Variants in DNAH2 observed in about 807,000 individuals in gnomAD.
The protein encoded by DNAH2 is dynein axonemal heavy chain 2.
DNAH2 carries 323 observed loss-of-function variants against 523.5 expected under a neutral mutation model. That is an observed-to-expected ratio of 0.62 (90% CI 0.56 to 0.68). The LOEUF (loss-of-function observed/expected upper bound fraction) is 0.68. DNAH2 is among the 30% of genes least tolerant of loss of function. The pLI is 0.00. For synonymous variants in DNAH2, 2,093 were observed against 2,177.4 expected (o/e 0.96, Z 1.08); for missense variants, 4,907 against 5,701.5 (o/e 0.86, Z 4.49).
chr17:7,817,476 T>C, intron 65 of DNAH2, 61 bp downstream of exon 65: 1 of 1,613,142 alleles, frequency 6.2e-7, no homozygotes, highest in Middle Eastern at 1.7e-4. Flanking sequence ...GCAGGACCTT[T>C]GGGAATATTA....
At chr17:7,817,887 C>T (rs376720726) in intron 67 of DNAH2, 31 bp downstream of exon 67, 18 of 1,614,036 alleles carry the variant, frequency 1.1e-5, no homozygotes, top group South Asian at 4.4e-5. Flanking sequence ...GTTAGCCCCC[C>T]CCTTCCTGAG....
intron 35 of DNAH2, among the ~76,000 whole-genome samples, 181 bp from the exon 36 acceptor site, chr17:7,779,062 C>T (rs1283411460): frequency 6.6e-6 from 1 of 152,154 alleles, no homozygotes; most frequent in Non-Finnish European, 1.5e-5. Flanking sequence ...CCAGATTGGC[C>T]CCATCTGATG....
chr17:7,764,199 G>C lies in DNAH2; in HGVS notation c.3262G>C (p.Val1088Leu). 6.2e-7 allele frequency: 1 copy of C among 1,614,166 alleles called. No individual in the cohort carries two copies. Reference protein sequence around the residue: ...VDALKHDLANVETQIPPIHEQ... With the variant: ...VDALKHDLANLETQIPPIHEQ... ...TGCCCTGAAGCACGACTTGGCCAACGTGGAGACTCAGATCCCTCCCATACA... is the reference window on the plus strand; with the variant it reads ...TGCCCTGAAGCACGACTTGGCCAACCTGGAGACTCAGATCCCTCCCATACA... The change falls in exon 20 of 86, where the codon GTG becomes CTG. Residue 1088 changes from valine (V) to leucine (L), a missense_variant. Physicochemically the swap from Val to Leu is conservative, Grantham distance 32. This residue lies in a region of DNAH2 where 2,806 missense variants were observed against 3,190.8 expected (regional missense o/e 0.88). Transcript: ENST00000572933.
rs1255395211 is a variant in DNAH2 at position 7,818,002 on chromosome 17, C to A, written c.10293C>A (p.Ala3431=). Residue 3431 remains alanine, a synonymous_variant, in exon 68 of 86, where the codon GCC becomes GCA. Coordinates refer to ENST00000572933, the MANE Select transcript of DNAH2 (RefSeq NM_020877.5). ...ATTACCTGCGAATCCTAGAACACGC[C>A]ATTCACTTTGGATACCCGGTGCTAC... The part of the protein sequence containing the change: ...MSDYLRILEH[A]IHFGYPVLLQ... 1 of 1,614,142 alleles carries A rather than the reference C, an allele frequency of 6.2e-7. No homozygotes were observed. Among genetic ancestry groups the A allele is most frequent in the Non-Finnish European group, 8.5e-7 (1 of 1,180,026 alleles).
chr17:7,824,102 A>C lies in DNAH2; in HGVS notation c.11479-19A>C, dbSNP rs1377352880. ...GTCATGTGGCCTTCTGCCTGATGCTATACCTGTGCTTCTGGCAGGTGCTGG... is the reference window on the plus strand; with the variant it reads ...GTCATGTGGCCTTCTGCCTGATGCTCTACCTGTGCTTCTGGCAGGTGCTGG... On this transcript the variant is annotated intron_variant, in intron 75 of 85. Transcript: ENST00000572933. 6 of 1,563,284 alleles carry C rather than the reference A, an allele frequency of 3.8e-6. No homozygotes were observed. The Middle Eastern group carries it at 5.1e-4, about 134-fold the overall frequency.
intron 27 of DNAH2, 38 bp downstream of exon 27, chr17:7,770,971 T>C (rs1461789893): frequency 1.3e-6 from 2 of 1,595,404 alleles, no homozygotes; most frequent in Admixed American, 1.8e-5. Flanking sequence ...TGCTTCCTGC[T>C]CTTACTCCTT....
intron 12 of DNAH2, among the ~76,000 whole-genome samples, chr17:7,750,969 C>A (rs995114296): frequency 2.6e-5 from 4 of 152,108 alleles, no homozygotes; most frequent in Admixed American, 2.6e-4. Flanking sequence ...CTAGAATTTT[C>A]ACCTCAATAT....
Position 7,831,120 on chromosome 17 carries a change from G to A in DNAH2, c.12265G>A (p.Asp4089Asn), listed in dbSNP as rs201279510. The A allele has an allele frequency of 1.6e-5, 26 of 1,613,874 alleles. 1 individual carries two copies. The Middle Eastern group carries it at 6.6e-4, about 41-fold the overall frequency. The change falls in exon 80 of 86, where the codon GAT (aspartate) becomes AAT (asparagine). Residue 4089 changes from aspartate (D) to asparagine (N), a missense_variant. Asp to Asn is a conservative substitution (Grantham distance 23, BLOSUM62 1). Coordinates refer to ENST00000572933, the MANE Select transcript of DNAH2 (RefSeq NM_020877.5). The surrounding 1 kb of genome is among the most constrained non-coding windows in gnomAD (Gnocchi z 4.2). ...ACTGGAGACTTATTTCATCCCCAAG[G>A]ATGGCAGCCTCGCTTCTTACAAGGA... ...SALETYFIPKDGSLASYKEYI... is the reference protein window; with the variant it reads ...SALETYFIPKNGSLASYKEYI...
intron 33 of DNAH2, 81 bp from the exon 34 acceptor site, chr17:7,777,996 G>A (rs2076502206): frequency 3.1e-6 from 4 of 1,310,814 alleles, no homozygotes. Context: ...TGACAACTCT[G>A]AGCCCCACTC....
chr17:7,764,226 G>A lies in DNAH2; in HGVS notation c.3289G>A (p.Glu1097Lys), dbSNP rs569552800. 34 of 1,613,598 alleles carry A rather than the reference G, an allele frequency of 2.1e-5. No homozygotes were observed. The East Asian group carries it at 5.8e-4, about 27-fold the overall frequency. The change falls in exon 20 of 86, where the codon GAG (glutamate) becomes AAG (lysine). Residue 1097 changes from glutamate (E) to lysine (K), a missense_variant. Glu to Lys is a moderately conservative substitution (Grantham distance 56). Around this residue, in one of 3 missense-constraint regions of DNAH2, gnomAD observed 2,806 missense variants for 3,190.8 expected, o/e 0.88. Transcript: ENST00000572933. ...GGAGACTCAGATCCCTCCCATACACGAGCAATTTGCCATTCTTGAAAAGTA... is the reference window on the plus strand; with the variant it reads ...GGAGACTCAGATCCCTCCCATACACAAGCAATTTGCCATTCTTGAAAAGTA... Reference protein sequence around the residue: ...NVETQIPPIHEQFAILEKYEV... With the variant: ...NVETQIPPIHKQFAILEKYEV...
chr17:7,758,652 G>T lies in DNAH2; in HGVS notation c.2208+1G>T. 1 of 1,611,740 alleles carries T rather than the reference G, an allele frequency of 6.2e-7. No homozygotes were observed. The highest frequency in any genetic ancestry group is 8.5e-7 in the Non-Finnish European group (1 of 1,178,984). ...GGAGTGCCGTATACATGCCAGCAAG[G>T]TGGGCCATGGTCCTTAGACCCTAAA... On this transcript the variant is annotated splice_donor_variant, in intron 14 of 85. Coordinates refer to ENST00000572933, the MANE Select transcript of DNAH2 (RefSeq NM_020877.5). LOFTEE classifies it high-confidence loss of function.
In DNAH2 at chr17:7,786,434, G is replaced by A. The variant is rs533791989; in HGVS notation, c.6348+92G>A. On this transcript the variant is annotated intron_variant, in intron 40 of 85. Transcript: ENST00000572933. This position sits in a 1 kb window ranked among gnomAD's most constrained non-coding sequence, Gnocchi z 7.5. ...GGGCCAGGGAGGACCTTGCAAGGCC[G>A]GGAGAGCTGTACCTGGGACCATGGT... is the stretch of plus-strand genomic sequence containing the variant. 4.7e-6 allele frequency: 7 copies of A among 1,500,838 alleles called. No individual in the cohort carries two copies. In the African/African-American group the frequency reaches 5.5e-5, roughly 12 times the overall value. The allele number at this position is 1,500,838 out of a possible 1,614,324, so 93.0% of individuals were successfully genotyped here. A position where few individuals can be genotyped will look rare whatever the true frequency, so the allele number is the denominator to read the frequency against.
Position 7,778,401 on chromosome 17 carries a change from A to G in DNAH2, c.5473A>G (p.Ile1825Val). 1.2e-6 allele frequency: 2 copies of G among 1,614,180 alleles called. No individual in the cohort carries two copies. The highest frequency in any genetic ancestry group is 1.7e-6 in the Non-Finnish European group (2 of 1,180,024). ...GGGCAAGGCCCTGGGCATATATGTC[A>G]TTGTGGTCAACTGCTCTGAGGGCCT... ...DLGKALGIYV[I>V]VVNCSEGLDY... Residue 1825 changes from isoleucine to valine, a missense_variant, in exon 35 of 86, where the codon ATT becomes GTT. Ile to Val is a conservative substitution (Grantham distance 29). Around this residue, in one of 3 missense-constraint regions of DNAH2, gnomAD observed 2,806 missense variants for 3,190.8 expected, o/e 0.88. Coordinates refer to ENST00000572933, the MANE Select transcript of DNAH2 (RefSeq NM_020877.5).
At chr17:7,829,858 C>G (rs1303017432) in intron 77 of DNAH2, among the ~76,000 whole-genome samples, 3 of 151,740 alleles carry the variant, frequency 2.0e-5, no homozygotes, top group African/African-American at 7.3e-5. Flanking sequence ...AACCCTGTCT[C>G]TACTAAAAAT....
chr17:7,764,762 G>T (rs1164892621), intron 20 of DNAH2, among the ~76,000 whole-genome samples: 1 of 136,554 alleles, frequency 7.3e-6, no homozygotes, highest in Admixed American at 7.3e-5. Context: ...GCACCCAGCT[G>T]GATTTACTTA....
At chr17:7,778,574 T>C (rs1051588975) in intron 35 of DNAH2, 105 bp downstream of exon 35, 4 of 1,019,760 alleles carry the variant, frequency 3.9e-6, no homozygotes, top group Middle Eastern at 3.2e-4. Flanking sequence ...CTTCATGACA[T>C]TGCATCACAT....
chr17:7,776,099 A>C lies in DNAH2; in HGVS notation c.4897A>C (p.Arg1633=), dbSNP rs762859435. ...TCTCCGGAACTGCCACCTGGCCCTC[A>C]GGAAGTTCCTCAACAAGAGGGACAA... ...DLLRNCHLAL[R]KFLNKRDKWV... Residue 1633 remains arginine (R), a synonymous_variant, in exon 31 of 86, where the codon AGG becomes CGG. Coordinates refer to ENST00000572933, the MANE Select transcript of DNAH2 (RefSeq NM_020877.5). 2.5e-6 allele frequency: 4 copies of C among 1,614,004 alleles called. No individual in the cohort carries two copies. Among genetic ancestry groups the C allele is most frequent in the Non-Finnish European group, 3.4e-6 (4 of 1,179,972 alleles).
Position 7,807,161 on chromosome 17 carries a change from TTCA to T in DNAH2, c.9458_9460del (p.Ile3153del). On this transcript the variant is annotated inframe_deletion, in exon 62 of 86. Transcript: ENST00000572933. The surrounding 1 kb of genome is among the most constrained non-coding windows in gnomAD (Gnocchi z 5.6). ...TTTTCATCCCACAGGGGAACAGAAC[TTCA>T]TCAAGTCACTGATCAACTTTGATAA... is the stretch of plus-strand genomic sequence containing the variant. The T allele has an allele frequency of 6.2e-7, 1 of 1,607,036 alleles. No individual in the cohort carries two copies. Among genetic ancestry groups the T allele is most frequent in the Non-Finnish European group, 8.5e-7 (1 of 1,179,956 alleles).
Position 7,781,072 on chromosome 17 carries a change from A to G in DNAH2, c.6034A>G (p.Ile2012Val). 1.9e-6 allele frequency: 3 copies of G among 1,614,238 alleles called. No individual in the cohort carries two copies. The highest frequency in any genetic ancestry group is 1.3e-5 in the African/African-American group (1 of 75,062). The change falls in exon 39 of 86, where the codon ATC becomes GTC. Residue 2012 changes from isoleucine (I) to valine (V), a missense_variant. Physicochemically the swap from Ile to Val is conservative, Grantham distance 29. Around this residue, in one of 3 missense-constraint regions of DNAH2, gnomAD observed 2,806 missense variants for 3,190.8 expected, o/e 0.88. Coordinates refer to ENST00000572933, the MANE Select transcript of DNAH2 (RefSeq NM_020877.5). ...VLLLSMRDMN[I>V]AKLTSVDAPL... ...GCTGCTCTCAATGAGAGATATGAAC[A>G]TCGCCAAGCTCACTTCAGTTGATGC...
Sources: gnomAD v4.1 joint callset for allele counts (sites outside exome capture counted in the v4.1 genomes callset) on GRCh38, gnomAD v4.1.1 for gene constraint, gnomAD v4.1.1 regional missense constraint, Gnocchi (gnomAD v3.1) non-coding constraint, MANE v1.5 for transcripts, NCBI Gene and HGNC (gene_info 2026-07-23, HGNC 2026-07-21) for gene names.